ARHGAP22: variants seen among roughly 807,000 people sequenced by gnomAD.
ARHGAP22 encodes the protein Rho GTPase activating protein 22, also known as rho GTPase-activating protein 22.
ARHGAP22 carries 48 observed loss-of-function variants against 59.1 expected under a neutral mutation model. The observed-to-expected ratio is 0.81, with a 90% CI of 0.64 to 1.03. The LOEUF is 1.03. Ranked by LOEUF, ARHGAP22 falls within the 50% of genes least tolerant of loss-of-function variation. ARHGAP22 has a pLI of 0.00. For synonymous variants in ARHGAP22, 445 were observed against 416.4 expected, an observed-to-expected ratio of 1.07 and a Z score of -0.84; for missense variants, 1,015 against 958.7, an observed-to-expected ratio of 1.06 and a Z score of -0.78.
chr10:48,534,036 G>A (rs371147873), intron 3 of ARHGAP22, among the ~76,000 whole-genome samples: 2 of 152,250 alleles, frequency 1.3e-5, no homozygotes, highest in South Asian at 2.1e-4. Context: ...GTCTGCCAGT[G>A]AGAGTGCATT....
At chr10:48,562,522 G>C (rs1400247629) in intron 2 of ARHGAP22, among the ~76,000 whole-genome samples, 1 of 152,176 alleles carries the variant, frequency 6.6e-6, no homozygotes, top group African/African-American at 2.4e-5. Context: ...TATGCCATGG[G>C]AAAGAAGACA....
chr10:48,572,170 G>C (rs1408578579), intron 2 of ARHGAP22, among the ~76,000 whole-genome samples: 1 of 137,284 alleles, frequency 7.3e-6, no homozygotes, highest in East Asian at 3.4e-4. Context: ...TTATAAATAA[G>C]ACCCAAGGCC....
intron 2 of ARHGAP22, among the ~76,000 whole-genome samples, chr10:48,559,234 G>T (rs180745803): frequency 3.3e-5 from 5 of 152,172 alleles, no homozygotes; most frequent in African/African-American, 9.7e-5. Context: ...GTTTGCAGAC[G>T]GGCACCTAGG....
At chr10:48,582,654 G>A (rs967132487) in intron 2 of ARHGAP22, 3 of 451,668 alleles carry the variant, frequency 6.6e-6, no homozygotes, top group African/African-American at 3.9e-5. Flanking sequence ...CTTCTTGGAA[G>A]CATGAAGGGG....
intron 5 of ARHGAP22, among the ~76,000 whole-genome samples, chr10:48,457,711 C>T (rs1218463629): frequency 6.6e-6 from 1 of 152,088 alleles, no homozygotes; most frequent in African/African-American, 2.4e-5. Context: ...GGCTTCCAGG[C>T]CTGGTGAGGC....
intron 3 of ARHGAP22, among the ~76,000 whole-genome samples, chr10:48,492,680 A>G (rs2050521698): frequency 6.6e-6 from 1 of 152,114 alleles, no homozygotes; most frequent in South Asian, 2.1e-4. Flanking sequence ...CAGCCTCCCG[A>G]GTAGCTGGGA....
the ARHGAP22 span, among the ~76,000 whole-genome samples, chr10:48,440,866 T>C: frequency 6.6e-6 from 1 of 152,094 alleles, no homozygotes; most frequent in Non-Finnish European, 1.5e-5. Flanking sequence ...AGATAGCCAG[T>C]TGAGAGAAGG....
chr10:48,435,055 G>C, the ARHGAP22 span: 11 of 1,375,560 alleles, frequency 8.0e-6, no homozygotes, highest in South Asian at 1.4e-5. Flanking sequence ...GGGGGTGGGA[G>C]GGATGGGGAG....
intron 1 of ARHGAP22, among the ~76,000 whole-genome samples, chr10:48,614,352 A>C (rs146139061): frequency 4.6e-5 from 7 of 152,346 alleles, no homozygotes; most frequent in African/African-American, 1.7e-4. Flanking sequence ...GAATAGATTC[A>C]TTGTAGGAGT....
intron 3 of ARHGAP22, among the ~76,000 whole-genome samples, chr10:48,545,367 C>A (rs1424606833): frequency 6.6e-6 from 1 of 152,184 alleles, no homozygotes; most frequent in Non-Finnish European, 1.5e-5. Context: ...CTGTGCTGAG[C>A]TGAGAGAAGT....
intron 3 of ARHGAP22, among the ~76,000 whole-genome samples, chr10:48,482,930 C>T (rs1490499740): frequency 6.6e-6 from 1 of 152,042 alleles, no homozygotes; most frequent in Non-Finnish European, 1.5e-5. Context: ...CTTCATCCCC[C>T]TCTCTGCTTG....
intron 1 of ARHGAP22, among the ~76,000 whole-genome samples, chr10:48,632,167 C>T (rs536583744): frequency 3.7e-4 from 56 of 152,278 alleles, no homozygotes; most frequent in Middle Eastern, 3.4e-3. Context: ...ATAATTCTTA[C>T]GCCTTTGCAT....
At position 48,467,267 on chromosome 10, in the gene ARHGAP22, A is replaced by G. The variant is rs533414401; in HGVS notation, c.452-7376T>C. On this transcript the variant is annotated intron_variant, in intron 4 of 9. Coordinates refer to ENST00000249601, the MANE Select transcript of ARHGAP22 (RefSeq NM_021226.4). ...GTGATGGACCTTCATTAACACCTAC[A>G]TGATCTTTCTGCAAAGCCTGTATTC... Among the ~76,000 whole-genome samples the G allele has an allele frequency of 7.2e-5, 11 of 152,266 alleles. No individual in the cohort carries two copies. The South Asian group carries it at 1.9e-3, about 26-fold the overall frequency.
At chr10:48,540,414 A>G (rs570574665) in intron 3 of ARHGAP22, among the ~76,000 whole-genome samples, 2 of 152,224 alleles carry the variant, frequency 1.3e-5, no homozygotes, top group South Asian at 4.2e-4. Flanking sequence ...TATTTTTAGT[A>G]GAGACGGGGT....
At chr10:48,447,910 T>A (rs896849727) in intron 9 of ARHGAP22, among the ~76,000 whole-genome samples, 42 of 152,032 alleles carry the variant, frequency 2.8e-4, no homozygotes, top group African/African-American at 1.0e-3. Flanking sequence ...ACCTTCAAAA[T>A]ATGCTCAGCA....
chr10:48,623,659 G>A (rs2061354839), intron 1 of ARHGAP22, among the ~76,000 whole-genome samples: 1 of 152,244 alleles, frequency 6.6e-6, no homozygotes, highest in South Asian at 2.1e-4. Context: ...GAAGTAAAAG[G>A]GTGACCTGGA....
intron 4 of ARHGAP22, among the ~76,000 whole-genome samples, chr10:48,468,540 T>G (rs2133926294): frequency 6.6e-6 from 1 of 152,318 alleles, no homozygotes; most frequent in African/African-American, 2.4e-5. Context: ...TGCTGACATC[T>G]GGATTTTAGC....
chr10:48,636,527 A>T (rs1027277171), intron 1 of ARHGAP22, among the ~76,000 whole-genome samples: 5 of 152,188 alleles, frequency 3.3e-5, no homozygotes, highest in African/African-American at 1.2e-4. Flanking sequence ...CATGGGTTGC[A>T]TCGGGGTCCT....
At chr10:48,535,918 C>T (rs1403625662) in intron 3 of ARHGAP22, among the ~76,000 whole-genome samples, 2 of 152,180 alleles carry the variant, frequency 1.3e-5, no homozygotes, top group Non-Finnish European at 2.9e-5. Flanking sequence ...CAGGTGTGCT[C>T]ACAGGTGGAG....
Sources: gnomAD v4.1 joint callset for allele counts (sites outside exome capture counted in the v4.1 genomes callset) on GRCh38, gnomAD v4.1.1 for gene constraint, MANE v1.5 for transcripts, NCBI Gene and HGNC (gene_info 2026-07-23, HGNC 2026-07-21) for gene names.